The following EIF3H variants were observed in gnomAD, a reference collection of about 807,000 sequenced individuals.
The protein encoded by EIF3H is eukaryotic translation initiation factor 3 subunit H.
A neutral mutation model predicts 44.2 loss-of-function variants in EIF3H; 26 were observed. The observed-to-expected ratio is 0.59, with a 90% CI of 0.43 to 0.82. The LOEUF is 0.82. EIF3H is among the 40% of genes least tolerant of loss of function. EIF3H has a pLI of 0.00. For synonymous variants in EIF3H, 166 were observed against 151.9 expected (o/e 1.09, Z -0.68); for missense variants, 359 against 432.8 (o/e 0.83, Z 1.51).
In EIF3H at chr8:116,657,330, A is replaced by G. The variant is rs749589315; in HGVS notation, c.458-16T>C. On this transcript the variant is annotated splice_polypyrimidine_tract_variant and intron_variant, in intron 3 of 7. Transcript: ENST00000521861. ...TTTATGGGATCTCAAACAAGGAAAG[A>G]GAAATAAATTACTAAGAATTTTGTC... The G allele has an allele frequency of 6.3e-7, 1 of 1,591,512 alleles. No homozygotes were observed. The highest frequency in any genetic ancestry group is 8.6e-7 in the Non-Finnish European group (1 of 1,159,972).
intron 2 of EIF3H, among the ~76,000 whole-genome samples, chr8:116,681,171 T>C (rs568776627): frequency 2.6e-5 from 4 of 151,976 alleles, no homozygotes; most frequent in Non-Finnish European, 5.9e-5. Flanking sequence ...GAGACCAGCC[T>C]GGACAACATG....
chr8:116,755,507 C>A (rs1398975032), intron 1 of EIF3H, among the ~76,000 whole-genome samples, 159 bp downstream of exon 1: 2 of 152,154 alleles, frequency 1.3e-5, no homozygotes, highest in Non-Finnish European at 2.9e-5. Context: ...TGTCGAAGCT[C>A]CTGAACAAAA....
At chr8:116,747,157 G>A (rs1194449217) in intron 1 of EIF3H, among the ~76,000 whole-genome samples, 5 of 152,108 alleles carry the variant, frequency 3.3e-5, no homozygotes, top group Non-Finnish European at 7.4e-5. Context: ...CTGCCTCCCA[G>A]GTTCAAGCAG....
intron 2 of EIF3H, among the ~76,000 whole-genome samples, chr8:116,697,858 G>A (rs184697557): frequency 1.3e-5 from 2 of 152,236 alleles, no homozygotes; most frequent in African/African-American, 2.4e-5. Context: ...GCTTTAGTGG[G>A]GGGCATACCC....
chr8:116,746,088 A>C (rs2130975323), intron 1 of EIF3H, among the ~76,000 whole-genome samples: 1 of 152,300 alleles, frequency 6.6e-6, no homozygotes, highest in African/African-American at 2.4e-5. Context: ...TCAGCAGTTT[A>C]AGGTTGCATT....
chr8:116,685,418 G>A (rs1286480151), intron 2 of EIF3H, among the ~76,000 whole-genome samples: 1 of 152,152 alleles, frequency 6.6e-6, no homozygotes, highest in African/African-American at 2.4e-5. Context: ...GCCTCACACA[G>A]TATTTGGAGA....
chr8:116,688,238 T>C (rs1260813168), intron 2 of EIF3H, among the ~76,000 whole-genome samples: 2 of 152,118 alleles, frequency 1.3e-5, no homozygotes, highest in East Asian at 3.8e-4. Flanking sequence ...AATGTTGTCT[T>C]ATCTCTCTGG....
intron 1 of EIF3H, among the ~76,000 whole-genome samples, chr8:116,729,158 GAA>G (rs1206599388): frequency 6.6e-6 from 1 of 152,032 alleles, no homozygotes; most frequent in Non-Finnish European, 1.5e-5. Context: ...AACCACTACT[GAA>G]ATCAAAGTAA....
intron 4 of EIF3H, among the ~76,000 whole-genome samples, chr8:116,656,641 A>G (rs1813495280): frequency 6.6e-6 from 1 of 152,234 alleles, no homozygotes; most frequent in African/African-American, 2.4e-5. Flanking sequence ...TTGATTCAAT[A>G]AGAACTAAAA....
intron 2 of EIF3H, among the ~76,000 whole-genome samples, chr8:116,714,440 T>G (rs1814626188): frequency 6.6e-6 from 1 of 152,108 alleles, no homozygotes; most frequent in African/African-American, 2.4e-5. Flanking sequence ...ACTTAAAATC[T>G]TCTGAGGCAG....
chr8:116,659,641 T>C (rs1813551865), intron 2 of EIF3H, among the ~76,000 whole-genome samples: 1 of 152,198 alleles, frequency 6.6e-6, no homozygotes, highest in African/African-American at 2.4e-5. Context: ...AAGTTATATT[T>C]TAATGACCAT....
At chr8:116,646,392 C>CT in intron 7 of EIF3H, 79 bp downstream of exon 7, 1 of 1,597,012 alleles carries the variant, frequency 6.3e-7, no homozygotes, top group Non-Finnish European at 8.6e-7. Context: ...GCATGCTTTT[C>CT]TGTTTGTAAA....
At chr8:116,729,350 T>C (rs1390548290) in intron 1 of EIF3H, among the ~76,000 whole-genome samples, 2 of 152,092 alleles carry the variant, frequency 1.3e-5, no homozygotes, top group Non-Finnish European at 2.9e-5. Flanking sequence ...AAAATAGCAA[T>C]AAAAAAATTA....
At chr8:116,654,036 T>C (rs1047031031) in intron 5 of EIF3H, among the ~76,000 whole-genome samples, 7 of 152,214 alleles carry the variant, frequency 4.6e-5, no homozygotes, top group Non-Finnish European at 8.8e-5. Flanking sequence ...AAATTAAAAA[T>C]TGAGATGTAC....
chr8:116,705,960 T>A (rs1464264780), intron 2 of EIF3H, among the ~76,000 whole-genome samples: 71 of 141,488 alleles, frequency 5.0e-4, no homozygotes, highest in African/African-American at 1.2e-3. Flanking sequence ...AAAGTTTATT[T>A]AAAAAAAAAA....
chr8:116,706,075 C>T (rs1814466064), intron 2 of EIF3H, among the ~76,000 whole-genome samples: 1 of 151,628 alleles, frequency 6.6e-6, no homozygotes, highest in Non-Finnish European at 1.5e-5. Flanking sequence ...GCTGAGTTCC[C>T]ATAAATATTT....
intron 1 of EIF3H, among the ~76,000 whole-genome samples, chr8:116,754,502 G>T (rs936950269): frequency 6.6e-6 from 1 of 152,196 alleles, no homozygotes; most frequent in Non-Finnish European, 1.5e-5. Context: ...GCTAACCACA[G>T]ACATTAAACT....
intron 2 of EIF3H, among the ~76,000 whole-genome samples, chr8:116,693,909 C>T (rs745539681): frequency 6.6e-6 from 1 of 152,130 alleles, no homozygotes; most frequent in Non-Finnish European, 1.5e-5. Flanking sequence ...TCAAGAGATC[C>T]TTCTGCCTTG....
intron 2 of EIF3H, among the ~76,000 whole-genome samples, chr8:116,705,931 TA>T (rs962554136): frequency 5.9e-5 from 9 of 151,392 alleles, no homozygotes; most frequent in Non-Finnish European, 1.2e-4. Context: ...CAGTAAAATC[TA>T]AAATTATTCC....
Sources: allele counts gnomAD v4.1 joint callset (sites outside exome capture counted in the v4.1 genomes callset), GRCh38; gene constraint gnomAD v4.1.1; transcripts MANE v1.5; gene names NCBI Gene and HGNC (gene_info 2026-07-23, HGNC 2026-07-21).